Variants in AFAP1 observed in about 807,000 individuals in gnomAD.
AFAP1 encodes actin filament associated protein 1.
AFAP1 carries 75 observed loss-of-function variants against 93.9 expected under a neutral mutation model. The ratio of observed to expected loss-of-function variants is 0.80; its 90% CI spans 0.66 to 0.97. The LOEUF (loss-of-function observed/expected upper bound fraction) is 0.97. Among genes scored for constraint, AFAP1 ranks in the 50% least tolerant of loss-of-function variants. The pLI is 0.00. For missense variants in AFAP1, 1,201 were observed against 1,050.8 expected (o/e 1.14, Z -1.98); for synonymous variants, 517 against 430.7 (o/e 1.20, Z -2.48).
At chr4:7,784,412 C>T (rs1257304135) in intron 12 of AFAP1, among the ~76,000 whole-genome samples, 1 of 152,132 alleles carries the variant, frequency 6.6e-6, no homozygotes, top group Non-Finnish European at 1.5e-5. Context: ...TCCACTCACC[C>T]CCATGAGACT....
At chr4:7,823,134 A>G (rs1721121416) in intron 6 of AFAP1, among the ~76,000 whole-genome samples, 1 of 151,514 alleles carries the variant, frequency 6.6e-6, no homozygotes, top group Non-Finnish European at 1.5e-5. Flanking sequence ...CCCCCTCCAC[A>G]CATGCCCACA....
At chr4:7,803,857 T>C (rs1157078344) in intron 9 of AFAP1, among the ~76,000 whole-genome samples, 1 of 151,966 alleles carries the variant, frequency 6.6e-6, no homozygotes, top group Admixed American at 6.6e-5. Context: ...TACCCCCAAT[T>C]TTCCCCCCAA....
intron 1 of AFAP1, among the ~76,000 whole-genome samples, chr4:7,874,328 T>TA (rs1717327325): frequency 2.0e-5 from 3 of 150,566 alleles, no homozygotes; most frequent in African/African-American, 7.3e-5. Context: ...CCCAACTACC[T>TA]ATCTGTGGGA....
chr4:7,867,914 A>G (rs1716604637), intron 3 of AFAP1, among the ~76,000 whole-genome samples: 3 of 152,198 alleles, frequency 2.0e-5, no homozygotes, highest in Non-Finnish European at 4.4e-5. Context: ...ATCCTGGCAG[A>G]GAGATCATCA....
Position 7,844,855 on chromosome 4 carries a change from T to C in AFAP1, c.335-1505A>G, listed in dbSNP as rs978186621. Reference sequence around the variant, plus strand: ...ATTCCCCTCAGCCCCCAGAATCATCTGGAACACGTTTCTTTTTCAAAACAT... The same window carrying C: ...ATTCCCCTCAGCCCCCAGAATCATCCGGAACACGTTTCTTTTTCAAAACAT... On this transcript the variant is annotated intron_variant, in intron 4 of 17. Transcript: ENST00000420658. Among the ~76,000 whole-genome samples, 30 of 152,356 alleles carry C rather than the reference T, an allele frequency of 2.0e-4. No homozygotes were observed. The Middle Eastern group carries it at 0.014, about 69-fold the overall frequency.
chr4:7,850,650 C>T (rs1431310045), intron 4 of AFAP1, among the ~76,000 whole-genome samples: 1 of 152,230 alleles, frequency 6.6e-6, no homozygotes, highest in Admixed American at 6.5e-5. Context: ...CCGAGGCCAG[C>T]ACAGGGCGCC....
rs1398204537 is a variant in AFAP1, at chr4:7,763,741, A to G, written c.*24T>C. The G allele has an allele frequency of 1.3e-6, 2 of 1,551,626 alleles. No individual in the cohort carries two copies. Among genetic ancestry groups the G allele is most frequent in the Non-Finnish European group, 1.7e-6 (2 of 1,146,954 alleles). ...CAGGCAAGGGGGTGTGCAGTCTCTG[A>G]GGCTGGAGTGGTGCTGCTGTCCCCT... On this transcript the variant is annotated 3_prime_UTR_variant, in exon 18 of 18. Transcript: ENST00000420658.
chr4:7,810,015 C>T (rs771386905), intron 8 of AFAP1, among the ~76,000 whole-genome samples: 3 of 152,090 alleles, frequency 2.0e-5, no homozygotes, highest in Admixed American at 6.5e-5. Flanking sequence ...CGTGTCACTA[C>T]GTAGGCCTGG....
At chr4:7,877,621 TA>T (rs1267293449) in intron 1 of AFAP1, among the ~76,000 whole-genome samples, 1 of 152,224 alleles carries the variant, frequency 6.6e-6, no homozygotes, top group African/African-American at 2.4e-5. Flanking sequence ...CACAGTCATA[TA>T]GCTAGAACAT....
chr4:7,874,179 C>T (rs189815819), intron 1 of AFAP1, among the ~76,000 whole-genome samples: 1 of 152,092 alleles, frequency 6.6e-6, no homozygotes, highest in African/African-American at 2.4e-5. Flanking sequence ...ATAAACTAAA[C>T]TATTCTAATG....
chr4:7,893,015 A>G (rs552380824), intron 1 of AFAP1, among the ~76,000 whole-genome samples: 2 of 152,358 alleles, frequency 1.3e-5, no homozygotes, highest in South Asian at 2.1e-4. Flanking sequence ...ACCTCTCAGT[A>G]TATCTCATAA....
rs1714091197 is a variant in AFAP1 at position 7,763,414 on chromosome 4, A to ACCAT, written c.*347_*350dup. ...AGGTTTTCATCTGGGGGCTCATGGAACCATCCATCCTCAGTCCAGGGCTGG... is the reference window on the plus strand; with the variant it reads ...AGGTTTTCATCTGGGGGCTCATGGAACCATCCATCCATCCTCAGTCCAGGGCTGG... On this transcript the variant is annotated 3_prime_UTR_variant, in exon 18 of 18. Transcript: ENST00000420658. 1 of 232,332 alleles carries ACCAT rather than the reference A, an allele frequency of 4.3e-6. No homozygotes were observed. 14.4% of individuals were successfully genotyped at this position (232,332 alleles called of 1,614,324 possible). A position where few individuals can be genotyped will look rare whatever the true frequency, so the allele number is the denominator to read the frequency against.
In AFAP1 at chr4:7,772,987, C is replaced by A; in HGVS notation, c.2086G>T (p.Glu696Ter). ...TCCTCCAGCTGCTTCAGCTTCTCCT[C>A]CAGGATCGCCTGCGGCTTCCTGCCT... ...NAGRKPQAIL[E>*]EKLKQLEEEC... Residue 696 changes from glutamate (E) to a stop codon, truncating the protein, a stop_gained, in exon 16 of 18, where the codon GAG becomes TAG. Coordinates refer to ENST00000420658, the MANE Select transcript of AFAP1 (RefSeq NM_001134647.2). LOFTEE classifies it high-confidence loss of function. 1 of 1,611,514 alleles carries A rather than the reference C, an allele frequency of 6.2e-7. No homozygotes were observed. Among genetic ancestry groups the A allele is most frequent in the Non-Finnish European group, 8.5e-7 (1 of 1,179,962 alleles).
chr4:7,879,962 G>A (rs573143398), intron 1 of AFAP1, among the ~76,000 whole-genome samples: 1 of 152,190 alleles, frequency 6.6e-6, no homozygotes, highest in Admixed American at 6.5e-5. Flanking sequence ...CCGCCGCCCA[G>A]CCTTTCTGCT....
chr4:7,882,092 C>T (rs1033367473), intron 1 of AFAP1, among the ~76,000 whole-genome samples: 3 of 152,172 alleles, frequency 2.0e-5, no homozygotes, highest in African/African-American at 4.8e-5. Context: ...CGACCCCATA[C>T]CTCCTGTCCT....
chr4:7,893,500 G>C (rs922842361), intron 1 of AFAP1, among the ~76,000 whole-genome samples: 8 of 143,482 alleles, frequency 5.6e-5, no homozygotes, highest in African/African-American at 2.1e-4. Context: ...AGAATGGCGT[G>C]AACCTGGGAG....
intron 1 of AFAP1, among the ~76,000 whole-genome samples, chr4:7,891,299 G>C (rs566141574): frequency 6.6e-6 from 1 of 152,332 alleles, no homozygotes; most frequent in South Asian, 2.1e-4. Context: ...CAGGGGCTGT[G>C]AGTGAATTCA....
At chr4:7,849,588 G>A (rs934005643) in intron 4 of AFAP1, among the ~76,000 whole-genome samples, 6 of 152,152 alleles carry the variant, frequency 3.9e-5, no homozygotes, top group African/African-American at 1.4e-4. Flanking sequence ...GATGAAGTAT[G>A]GCTACTTTCT....
intron 17 of AFAP1, among the ~76,000 whole-genome samples, chr4:7,767,608 C>A (rs965777185): frequency 6.6e-6 from 1 of 152,120 alleles, no homozygotes; most frequent in Non-Finnish European, 1.5e-5. Context: ...CCGACACACA[C>A]GGTCTTCAGT....
Sources: allele counts gnomAD v4.1 joint callset (sites outside exome capture counted in the v4.1 genomes callset), GRCh38; gene constraint gnomAD v4.1.1; transcripts MANE v1.5; gene names NCBI Gene and HGNC (gene_info 2026-07-23, HGNC 2026-07-21).